ATP6V1A: variants seen among roughly 807,000 people sequenced by gnomAD.
The protein encoded by ATP6V1A is V-type proton ATPase catalytic subunit A.
In ATP6V1A, 18 loss-of-function variants were observed where a neutral mutation model predicts 70.1. The observed-to-expected ratio is 0.26, with a 90% CI of 0.18 to 0.38. The LOEUF (loss-of-function observed/expected upper bound fraction) is 0.38. ATP6V1A is among the 10% of genes least tolerant of loss of function. The probability of loss-of-function intolerance (pLI) is 1.00; values close to 1 mark genes in which losing one functional copy is unlikely to be tolerated. For synonymous variants in ATP6V1A, 232 were observed against 253.8 expected, an observed-to-expected ratio of 0.91 and a Z score of 0.82; for missense variants, 424 against 772.4, an observed-to-expected ratio of 0.55 and a Z score of 5.35.
In ATP6V1A at chr3:113,762,106, C is replaced by T. The variant is rs541502534; in HGVS notation, c.-14+14993C>T. On this transcript the variant is annotated intron_variant, in intron 1 of 14. Coordinates refer to ENST00000273398, the MANE Select transcript of ATP6V1A (RefSeq NM_001690.4). ...GGCAGAGGTTGTGGTGAGCCAAGAT[C>T]GCGCCATTGCACTGCAGCCTGGGCA... Among the ~76,000 whole-genome samples, 159 of 130,428 alleles carry T rather than the reference C, an allele frequency of 1.2e-3. 11 individuals carry two copies. The highest frequency in any genetic ancestry group is 4.2e-3 in the African/African-American group (148 of 35,604). The allele number at this position is 130,428 out of a possible 152,430, so 85.6% of individuals were successfully genotyped here. A position where few individuals can be genotyped will look rare whatever the true frequency, so the allele number is the denominator to read the frequency against.
intron 3 of ATP6V1A, among the ~76,000 whole-genome samples, chr3:113,783,748 A>G (rs996947499): frequency 5.3e-4 from 81 of 152,344 alleles, no homozygotes; most frequent in East Asian, 1.9e-3. Context: ...ATTTTTGTCA[A>G]TGATGTCATA....
At chr3:113,807,141 C>G (rs186619962) in intron 14 of ATP6V1A, among the ~76,000 whole-genome samples, 1 of 150,988 alleles carries the variant, frequency 6.6e-6, no homozygotes, top group African/African-American at 2.4e-5. Flanking sequence ...AATTTTGATA[C>G]GGATATACAC....
chr3:113,802,921 C>T, intron 12 of ATP6V1A: 1 of 152,674 alleles, frequency 6.5e-6, no homozygotes, highest in Non-Finnish European at 1.5e-5. Context: ...CCTTGGCCTC[C>T]CAAAGTGCTG....
rs971589563 is a variant in ATP6V1A at position 113,786,452 on chromosome 3, T to C, written c.716+69T>C. On this transcript the variant is annotated intron_variant, in intron 6 of 14. Transcript: ENST00000273398. ...TATGTGCTTATGTTTTTATTATCTT[T>C]ATAGATAAAGGGCTTATGTGTTTAA... 1.1e-5 allele frequency: 16 copies of C among 1,516,186 alleles called. No homozygotes were observed. The African/African-American group carries it at 2.2e-4, about 21-fold the overall frequency. 93.9% of individuals were successfully genotyped at this position (1,516,186 alleles called of 1,614,324 possible).
intron 1 of ATP6V1A, among the ~76,000 whole-genome samples, chr3:113,769,674 T>C (rs184118634): frequency 1.7e-4 from 26 of 151,412 alleles, no homozygotes; most frequent in Admixed American, 1.4e-3. Flanking sequence ...AGGAAAAAAA[T>C]TTTTTCCTCT....
chr3:113,779,048 A>G (rs1708950685), intron 2 of ATP6V1A: 3 of 357,852 alleles, frequency 8.4e-6, no homozygotes, highest in African/African-American at 4.2e-5. Flanking sequence ...TTATTGAGGT[A>G]CTACTTTGTG....
At chr3:113,767,685 T>C (rs987881537) in intron 1 of ATP6V1A, among the ~76,000 whole-genome samples, 54 of 152,068 alleles carry the variant, frequency 3.6e-4, no homozygotes, top group Non-Finnish European at 6.6e-4. Flanking sequence ...GGAGTCTTGC[T>C]CTGTCGCCCA....
chr3:113,804,834 G>A (rs1424512465), intron 13 of ATP6V1A, among the ~76,000 whole-genome samples: 1 of 152,198 alleles, frequency 6.6e-6, no homozygotes, highest in Non-Finnish European at 1.5e-5. Flanking sequence ...TCACGTGTCT[G>A]TTATTTAAAA....
At chr3:113,747,820 G>A (rs1708540527) in intron 1 of ATP6V1A, among the ~76,000 whole-genome samples, 1 of 152,206 alleles carries the variant, frequency 6.6e-6, no homozygotes, top group Non-Finnish European at 1.5e-5. Flanking sequence ...ATGAGGAGGC[G>A]TTGAAAGATG....
intron 12 of ATP6V1A, among the ~76,000 whole-genome samples, chr3:113,800,015 G>A (rs1420139569): frequency 5.9e-5 from 9 of 152,014 alleles, no homozygotes; most frequent in African/African-American, 1.2e-4. Flanking sequence ...GCAGATCAAC[G>A]AGGTCAGGAG....
chr3:113,775,483 GC>G (rs1240220420), intron 1 of ATP6V1A, among the ~76,000 whole-genome samples: 4 of 151,928 alleles, frequency 2.6e-5, no homozygotes, highest in Admixed American at 1.3e-4. Context: ...GCCCACCTCG[GC>G]CCCCCCAAGT....
At chr3:113,749,443 G>A (rs1463633103) in intron 1 of ATP6V1A, among the ~76,000 whole-genome samples, 2 of 152,030 alleles carry the variant, frequency 1.3e-5, no homozygotes, top group Non-Finnish European at 2.9e-5. Context: ...TTTTATTTTA[G>A]GGCCCTTGGC....
intron 11 of ATP6V1A, among the ~76,000 whole-genome samples, chr3:113,796,970 T>C (rs1249226573): frequency 1.3e-5 from 2 of 152,222 alleles, no homozygotes; most frequent in Non-Finnish European, 2.9e-5. Context: ...AGTTTCACTC[T>C]TGTTGCCCAG....
chr3:113,780,933 T>C, intron 2 of ATP6V1A, 117 bp from the exon 3 acceptor site: 1 of 1,397,850 alleles, frequency 7.2e-7, no homozygotes, highest in South Asian at 1.5e-5. Context: ...TTTTTATCCT[T>C]CTTATGAATA....
At chr3:113,785,312 C>G (rs550153515) in intron 5 of ATP6V1A, among the ~76,000 whole-genome samples, 1 of 151,920 alleles carries the variant, frequency 6.6e-6, no homozygotes, top group Non-Finnish European at 1.5e-5. Context: ...TGGTGGCGCA[C>G]GCCTGTAATC....
intron 1 of ATP6V1A, 132 bp from the exon 2 acceptor site, chr3:113,778,609 C>T: frequency 2.1e-6 from 1 of 466,244 alleles, no homozygotes; most frequent in Non-Finnish European, 3.7e-6. Flanking sequence ...TTTTATTCTA[C>T]TTTGAAGAAG....
At chr3:113,748,034 T>G (rs1271170262) in intron 1 of ATP6V1A, among the ~76,000 whole-genome samples, 1 of 152,232 alleles carries the variant, frequency 6.6e-6, no homozygotes, top group Non-Finnish European at 1.5e-5. Context: ...TTTGTCATTT[T>G]CCCCTAAAAT....
At chr3:113,795,729 A>T in intron 10 of ATP6V1A, 147 bp from the exon 11 acceptor site, 1 of 636,942 alleles carries the variant, frequency 1.6e-6, no homozygotes, top group Non-Finnish European at 2.5e-6. Flanking sequence ...TTTCTTTCCA[A>T]AGGTCATTTC....
intron 3 of ATP6V1A, among the ~76,000 whole-genome samples, chr3:113,781,491 C>G (rs1258766155): frequency 1.3e-5 from 2 of 151,920 alleles, no homozygotes; most frequent in Admixed American, 1.3e-4. Flanking sequence ...GCACTCCAGC[C>G]TGGGCAACAG....
Sources: allele counts gnomAD v4.1 joint callset (sites outside exome capture counted in the v4.1 genomes callset), GRCh38; gene constraint gnomAD v4.1.1; transcripts MANE v1.5; gene names NCBI Gene and HGNC (gene_info 2026-07-23, HGNC 2026-07-21).